Variants in PDE10A observed in about 807,000 individuals in gnomAD.
PDE10A encodes cAMP and cAMP-inhibited cGMP 3',5'-cyclic phosphodiesterase 10A.
A neutral mutation model predicts 97.7 loss-of-function variants in PDE10A; 39 were observed. The ratio of observed to expected loss-of-function variants is 0.40; its 90% CI spans 0.31 to 0.52. PDE10A has a LOEUF of 0.52. Among genes scored for constraint, PDE10A ranks in the 20% least tolerant of loss-of-function variants. The probability of loss-of-function intolerance (pLI) is 0.56; values close to 1 mark genes in which losing one functional copy is unlikely to be tolerated. For synonymous variants in PDE10A, 371 were observed against 376.8 expected (o/e 0.98, Z 0.18); for missense variants, 731 against 1,047.8 (o/e 0.70, Z 4.17).
chr6:165,446,615 A>G (rs1395455571), intron 5 of PDE10A, among the ~76,000 whole-genome samples: 1 of 152,236 alleles, frequency 6.6e-6, no homozygotes, highest in Non-Finnish European at 1.5e-5. Flanking sequence ...AGATAAACAA[A>G]TAACCACTCA....
chr6:165,827,132 G>A (rs993365323), intron 1 of PDE10A, among the ~76,000 whole-genome samples: 12 of 152,198 alleles, frequency 7.9e-5, no homozygotes, highest in East Asian at 3.9e-4. Context: ...CGGGCCCTCC[G>A]CCGTGGTCTA....
At chr6:165,349,775 A>C (rs13211591) in intron 18 of PDE10A, among the ~76,000 whole-genome samples, 26,626 of 152,056 alleles carry the variant, frequency 0.18, 2,534 homozygotes, top group Non-Finnish European at 0.21. Flanking sequence ...AGCTGCTTCA[A>C]CTCCAGTGGT....
intron 1 of PDE10A, among the ~76,000 whole-genome samples, chr6:165,631,583 G>C (rs866979245): frequency 4.6e-5 from 7 of 152,168 alleles, no homozygotes; most frequent in Middle Eastern, 3.2e-3. Flanking sequence ...AAATTAGTAT[G>C]TCATTATTTG....
At chr6:165,753,143 T>C (rs1793045587) in intron 1 of PDE10A, among the ~76,000 whole-genome samples, 1 of 152,250 alleles carries the variant, frequency 6.6e-6, no homozygotes, top group Non-Finnish European at 1.5e-5. Flanking sequence ...GTTTAATTTA[T>C]TATCAATCAA....
chr6:165,909,894 C>T (rs747164380), intron 1 of PDE10A, among the ~76,000 whole-genome samples: 30 of 152,188 alleles, frequency 2.0e-4, no homozygotes, highest in Admixed American at 1.2e-3. Context: ...CAAAGGGCTC[C>T]TTTGCTCTTC....
At chr6:165,422,775 G>C (rs1005879505) in intron 10 of PDE10A, among the ~76,000 whole-genome samples, 3 of 152,018 alleles carry the variant, frequency 2.0e-5, no homozygotes, top group African/African-American at 7.2e-5. Flanking sequence ...GAAAAAGTGA[G>C]GAGCAAAGAA....
intron 1 of PDE10A, among the ~76,000 whole-genome samples, chr6:165,550,074 A>T (rs1230936349): frequency 6.6e-6 from 1 of 152,104 alleles, no homozygotes; most frequent in Non-Finnish European, 1.5e-5. Flanking sequence ...CGCCCACGAC[A>T]CCTGAGTTCT....
intron 1 of PDE10A, among the ~76,000 whole-genome samples, chr6:165,726,435 G>C (rs112478531): frequency 0.011 from 1,630 of 152,274 alleles, 30 homozygotes; most frequent in African/African-American, 0.038. Context: ...AGCATAGCTG[G>C]TTTTACAAGC....
At chr6:165,900,940 G>C (rs1447384170) in intron 1 of PDE10A, among the ~76,000 whole-genome samples, 2 of 152,188 alleles carry the variant, frequency 1.3e-5, no homozygotes, top group Non-Finnish European at 2.9e-5. Context: ...TTTAAAACCA[G>C]ACCTGGGCAC....
intron 18 of PDE10A, among the ~76,000 whole-genome samples, chr6:165,372,925 C>T (rs1015857885): frequency 5.9e-5 from 9 of 151,544 alleles, no homozygotes; most frequent in Admixed American, 3.9e-4. Context: ...AATAACGCTG[C>T]ATATCTACAA....
In PDE10A at chr6:165,899,695, G is replaced by A. The variant is rs538061895; in HGVS notation, c.-615+87834C>T. Among the ~76,000 whole-genome samples, 294 of 152,326 alleles carry A rather than the reference G, an allele frequency of 1.9e-3. 1 individual carries two copies. Among genetic ancestry groups the A allele is most frequent in the African/African-American group, 6.7e-3 (277 of 41,576 alleles). On this transcript the variant is annotated intron_variant, in intron 1 of 19. Coordinates refer to the PDE10A transcript ENST00000366882. ...GGTGGTACCTGGGGCCTTGGCACCCGTGACCCGAAGCTGTGTGCGCTGGCC... is the reference window on the plus strand; with the variant it reads ...GGTGGTACCTGGGGCCTTGGCACCCATGACCCGAAGCTGTGTGCGCTGGCC...
At chr6:165,881,392 C>CTTTTTTTTTTTTTTTTT (rs68159417) in intron 1 of PDE10A, among the ~76,000 whole-genome samples, 19 of 107,026 alleles carry the variant, frequency 1.8e-4, no homozygotes, top group Non-Finnish European at 2.5e-4. Context: ...TTTTTCTTTT[C>CTTTTTTTTTTTTTTTTT]TTTTTTTTTT....
intron 13 of PDE10A, among the ~76,000 whole-genome samples, chr6:165,402,217 C>A (rs186059334): frequency 6.6e-6 from 1 of 151,768 alleles, no homozygotes; most frequent in Non-Finnish European, 1.5e-5. Flanking sequence ...AATTTTATTT[C>A]TATTATTTTT....
chr6:165,863,145 C>CGAGA (rs1780953189), intron 1 of PDE10A, among the ~76,000 whole-genome samples: 1 of 152,164 alleles, frequency 6.6e-6, no homozygotes, highest in Admixed American at 6.5e-5. Flanking sequence ...AGTTTGTGGC[C>CGAGA]TCTCAGGAGG....
At chr6:165,801,315 C>T (rs992243092) in intron 1 of PDE10A, among the ~76,000 whole-genome samples, 1 of 152,214 alleles carries the variant, frequency 6.6e-6, no homozygotes, top group Non-Finnish European at 1.5e-5. Flanking sequence ...GAGGCTGAGG[C>T]AGGTGGATCA....
chr6:165,851,154 A>T (rs991934167), intron 1 of PDE10A, among the ~76,000 whole-genome samples: 1 of 152,252 alleles, frequency 6.6e-6, no homozygotes, highest in Non-Finnish European at 1.5e-5. Context: ...ATGATCACAC[A>T]TTCAAACAGG....
At chr6:165,499,231 A>AGAG (rs1040565720) in intron 2 of PDE10A, among the ~76,000 whole-genome samples, 1 of 152,196 alleles carries the variant, frequency 6.6e-6, no homozygotes, top group Non-Finnish European at 1.5e-5. Flanking sequence ...GACCAGCAGC[A>AGAG]GAGGAGGAGG....
chr6:165,677,684 C>T (rs1443483768), intron 1 of PDE10A, among the ~76,000 whole-genome samples: 2 of 152,112 alleles, frequency 1.3e-5, no homozygotes, highest in Non-Finnish European at 2.9e-5. Context: ...TCGGTGGACT[C>T]TGGTATCCAT....
At chr6:165,940,960 C>T (rs575753277) in intron 1 of PDE10A, among the ~76,000 whole-genome samples, 3 of 152,272 alleles carry the variant, frequency 2.0e-5, no homozygotes, top group South Asian at 2.1e-4. Flanking sequence ...TTAGAAGAAA[C>T]ATAACCCACC....
Sources: allele counts gnomAD v4.1 joint callset (sites outside exome capture counted in the v4.1 genomes callset), GRCh38; gene constraint gnomAD v4.1.1; transcripts MANE v1.5; gene names NCBI Gene and HGNC (gene_info 2026-07-23, HGNC 2026-07-21).